FRMPD1: variants seen among roughly 807,000 people sequenced by gnomAD.
FRMPD1 encodes FERM and PDZ domain-containing protein 1.
Under a neutral mutation model 117.8 loss-of-function variants are expected in FRMPD1, and 76 were observed. That is an observed-to-expected ratio of 0.65 (90% confidence interval 0.54 to 0.78). FRMPD1 has a LOEUF of 0.78. FRMPD1 is among the 30% of genes least tolerant of loss of function. The probability of loss-of-function intolerance (pLI) is 0.00; values close to 1 mark genes in which losing one functional copy is unlikely to be tolerated. For synonymous variants in FRMPD1, 783 were observed against 770.4 expected, an observed-to-expected ratio of 1.02 and a Z score of -0.27; for missense variants, 1,786 against 1,964.5, an observed-to-expected ratio of 0.91 and a Z score of 1.72.
intron 2 of FRMPD1, among the ~76,000 whole-genome samples, chr9:37,706,649 G>A (rs56263939): frequency 0.14 from 21,279 of 152,172 alleles, 1,685 homozygotes; most frequent in Middle Eastern, 0.19. Context: ...TGCTTTTAAG[G>A]AACATACATG....
chr9:37,637,173 T>C, the FRMPD1 span: 14 of 1,610,130 alleles, frequency 8.7e-6, no homozygotes, highest in African/African-American at 1.7e-4. Flanking sequence ...TCCACCCCGA[T>C]GGTGCTGATG....
In FRMPD1 at chr9:37,729,849, A is replaced by G; in HGVS notation, c.734A>G (p.Gln245Arg). The change falls in exon 8 of 16, where the codon CAG (glutamine) becomes CGG (arginine). Residue 245 changes from glutamine (Q) to arginine (R), a missense_variant. By Grantham distance (43) the Gln-to-Arg change is conservative (BLOSUM62 1). Transcript: ENST00000377765. ...LHLLHEEELI[Q>R]QVVEREESHD... Reference sequence around the variant, plus strand: ...CTGCTGCACGAAGAGGAACTCATCCAGCAGGTAGGGAGGACTGACCGCCTG... The same window carrying G: ...CTGCTGCACGAAGAGGAACTCATCCGGCAGGTAGGGAGGACTGACCGCCTG... 1 of 1,613,524 alleles carries G rather than the reference A, an allele frequency of 6.2e-7. No individual in the cohort carries two copies. The highest frequency in any genetic ancestry group is 8.5e-7 in the Non-Finnish European group (1 of 1,179,800).
At chr9:37,652,829 AGGCTTG>A (rs1261771767) in intron 1 of FRMPD1, among the ~76,000 whole-genome samples, 1 of 152,226 alleles carries the variant, frequency 6.6e-6, no homozygotes, top group Admixed American at 6.5e-5. Context: ...GGGAATAGAG[AGGCTTG>A]TGCCACAGGA....
At chr9:37,635,325 C>T in the FRMPD1 span, among the ~76,000 whole-genome samples, 4 of 152,230 alleles carry the variant, frequency 2.6e-5, no homozygotes, top group South Asian at 2.1e-4. Context: ...TATTTTCTAG[C>T]GGAAACAGAG....
At position 37,740,766 on chromosome 9, in the gene FRMPD1, G is replaced by T. The variant is rs1384471956; in HGVS notation, c.2238G>T (p.Gln746His). ...AWGQQGWTEA[Q>H]PSSMLEPLAL... is the part of the protein sequence containing the mutation. ...GTCAGCAGGGCTGGACTGAGGCCCAGCCCAGTTCCATGCTGGAACCCCTGG... is the reference window on the plus strand; with the variant it reads ...GTCAGCAGGGCTGGACTGAGGCCCATCCCAGTTCCATGCTGGAACCCCTGG... The change falls in exon 15 of 16, where the codon CAG becomes CAT. Residue 746 changes from glutamine to histidine, a missense_variant. By Grantham distance (24) the Gln-to-His change is conservative. Transcript: ENST00000377765. This position sits in a 1 kb window ranked among gnomAD's most constrained non-coding sequence, Gnocchi z 4.2. 6.2e-7 allele frequency: 1 copy of T among 1,614,146 alleles called. No individual in the cohort carries two copies. The highest frequency in any genetic ancestry group is 1.7e-5 in the Admixed American group (1 of 60,026).
intron 1 of FRMPD1, among the ~76,000 whole-genome samples, chr9:37,676,299 C>T (rs1337717599): frequency 2.6e-5 from 4 of 152,090 alleles, no homozygotes; most frequent in Admixed American, 6.6e-5. Flanking sequence ...GCTCGTGTCT[C>T]GGGGAGCATC....
intron 12 of FRMPD1, 114 bp from the exon 13 acceptor site, chr9:37,735,438 T>C (rs1588968188): frequency 2.6e-6 from 2 of 759,878 alleles, no homozygotes; most frequent in East Asian, 4.9e-5. Context: ...GAGTGGTGGT[T>C]AGGATCCAAA....
chr9:37,731,006 A>G lies in FRMPD1; in HGVS notation c.761A>G (p.His254Arg). The G allele has an allele frequency of 1.2e-6, 2 of 1,613,882 alleles. No homozygotes were observed. The highest frequency in any genetic ancestry group is 1.7e-4 in the Middle Eastern group (1 of 6,028). Reference sequence around the variant, plus strand: ...CAGGTGGTAGAAAGGGAGGAGTCACATGACTACCGCTGCCTCTTCAGGGTC... The same window carrying G: ...CAGGTGGTAGAAAGGGAGGAGTCACGTGACTACCGCTGCCTCTTCAGGGTC... The part of the protein sequence containing the change: ...IQQVVEREES[H>R]DYRCLFRVCF... Residue 254 changes from histidine to arginine, a missense_variant, in exon 9 of 16, where the codon CAT becomes CGT. By Grantham distance (29) the His-to-Arg change is conservative. Coordinates refer to ENST00000377765, the MANE Select transcript of FRMPD1 (RefSeq NM_014907.3).
intron 1 of FRMPD1, among the ~76,000 whole-genome samples, chr9:37,674,487 T>C (rs2117864566): frequency 6.6e-6 from 1 of 152,326 alleles, no homozygotes; most frequent in East Asian, 1.9e-4. Flanking sequence ...CTCTGCCTGT[T>C]ACCCAGTTCT....
chr9:37,745,262 C>T lies in FRMPD1; in HGVS notation c.3230C>T (p.Ser1077Phe). The T allele has an allele frequency of 1.2e-6, 2 of 1,611,900 alleles. No individual in the cohort carries two copies. The highest frequency in any genetic ancestry group is 1.7e-6 in the Non-Finnish European group (2 of 1,177,964). ...CCCAAATACACAGAGCCTTTGTTGT[C>T]TCCTAGAGATGAGCCTAGAAGTGAT... Reference protein sequence around the residue: ...TAPKYTEPLLSPRDEPRSDEC... With the variant: ...TAPKYTEPLLFPRDEPRSDEC... The change falls in exon 16 of 16, where the codon TCT (serine) becomes TTT (phenylalanine). Residue 1077 changes from serine to phenylalanine, a missense_variant. Physicochemically the swap from Ser to Phe is radical, Grantham distance 155 (BLOSUM62 -2). Coordinates refer to ENST00000377765, the MANE Select transcript of FRMPD1 (RefSeq NM_014907.3).
At chr9:37,613,561 C>G in the FRMPD1 span, among the ~76,000 whole-genome samples, 1 of 152,142 alleles carries the variant, frequency 6.6e-6, no homozygotes, top group Admixed American at 6.5e-5. Context: ...AAAACAGAGA[C>G]ACAGCGGAAA....
In FRMPD1 at chr9:37,744,773, C is replaced by T. The variant is rs771889022; in HGVS notation, c.2741C>T (p.Thr914Ile). The T allele has an allele frequency of 4.3e-6, 7 of 1,614,140 alleles. No homozygotes were observed. In the Admixed American group the frequency reaches 1.2e-4, roughly 27 times the overall value. Residue 914 changes from threonine to isoleucine, a missense_variant, in exon 16 of 16, where the codon ACA becomes ATA. Thr to Ile is a moderately conservative substitution (Grantham distance 89, BLOSUM62 -1). Transcript: ENST00000377765. ...LLAPLRETKSTNPASRVMEME... is the reference protein window; with the variant it reads ...LLAPLRETKSINPASRVMEME... ...GCTCCTCTGAGGGAGACCAAGAGCA[C>T]AAACCCAGCCTCCAGGGTCATGGAG... is the stretch of plus-strand genomic sequence containing the variant.
chr9:37,618,624 A>G, the FRMPD1 span, among the ~76,000 whole-genome samples: 2 of 152,158 alleles, frequency 1.3e-5, no homozygotes, highest in African/African-American at 4.8e-5. Flanking sequence ...GGTCCAAATT[A>G]ACCTTTCCAG....
rs202087007 is a variant in FRMPD1, at chr9:37,729,772, C to T, written c.657C>T (p.Ile219=). 37 of 1,613,834 alleles carry T rather than the reference C, an allele frequency of 2.3e-5. No homozygotes were observed. Among genetic ancestry groups the T allele is most frequent in the Middle Eastern group, 1.6e-4 (1 of 6,082 alleles). ...AGGAGAAGCTGTCCATCCGAAGTAT[C>T]GAGTACTTTGCACTGGCCCTGGAAG... is the stretch of plus-strand genomic sequence containing the variant. ...TVKEKLSIRS[I]EYFALALEEQ... The change falls in exon 8 of 16, where the codon ATC becomes ATT. Residue 219 remains isoleucine (I), a synonymous_variant. Coordinates refer to ENST00000377765, the MANE Select transcript of FRMPD1 (RefSeq NM_014907.3).
intron 1 of FRMPD1, among the ~76,000 whole-genome samples, chr9:37,676,712 A>G (rs1049782413): frequency 1.3e-5 from 2 of 152,212 alleles, no homozygotes; most frequent in African/African-American, 4.8e-5. Flanking sequence ...GGCAGGCGGC[A>G]TCTGGCATTC....
At chr9:37,713,701 T>G (rs1197574743) in intron 5 of FRMPD1, among the ~76,000 whole-genome samples, 1 of 152,092 alleles carries the variant, frequency 6.6e-6, no homozygotes. Context: ...ATGTATATAG[T>G]TTGTGAAAAA....
intron 2 of FRMPD1, among the ~76,000 whole-genome samples, chr9:37,702,355 GT>G: frequency 6.6e-6 from 1 of 152,342 alleles, no homozygotes; most frequent in East Asian, 1.9e-4. Context: ...ACAAAATGTG[GT>G]TCCTGTTTCC....
upstream of FRMPD1, among the ~76,000 whole-genome samples, chr9:37,648,866 T>C (rs946332888): frequency 2.0e-5 from 3 of 152,022 alleles, no homozygotes; most frequent in Admixed American, 1.3e-4. Flanking sequence ...CAGCAGGCAG[T>C]TGTGTCTCTG....
chr9:37,740,700 G>A lies in FRMPD1; in HGVS notation c.2172G>A (p.Glu724=). ...CCAGCTACCTGAGTGACAGTTCCGA[G>A]AGTACAGCTTCCCGGCAAGGGGGAG... is the stretch of plus-strand genomic sequence containing the variant. ...SPASYLSDSS[E]STASRQGGAP... Residue 724 remains glutamate, a synonymous_variant, in exon 15 of 16, where the codon GAG becomes GAA. Coordinates refer to ENST00000377765, the MANE Select transcript of FRMPD1 (RefSeq NM_014907.3). The surrounding 1 kb of genome is among the most constrained non-coding windows in gnomAD (Gnocchi z 4.2). 2.5e-6 allele frequency: 4 copies of A among 1,614,146 alleles called. No individual in the cohort carries two copies. The highest frequency in any genetic ancestry group is 3.4e-6 in the Non-Finnish European group (4 of 1,180,010).
Sources: allele counts gnomAD v4.1 joint callset (sites outside exome capture counted in the v4.1 genomes callset), GRCh38; gene constraint gnomAD v4.1.1; non-coding constraint Gnocchi (gnomAD v3.1); transcripts MANE v1.5; gene names NCBI Gene and HGNC (gene_info 2026-07-23, HGNC 2026-07-21).